DLGAP2: variants seen among roughly 807,000 people sequenced by gnomAD.
DLGAP2 encodes the protein DLG associated protein 2, also known as disks large-associated protein 2.
DLGAP2 carries 26 observed loss-of-function variants against 100.3 expected under a neutral mutation model. The ratio of observed to expected loss-of-function variants is 0.26; its 90% CI spans 0.19 to 0.36. The LOEUF is 0.36. DLGAP2 is among the 10% of genes least tolerant of loss of function. The pLI, the probability that DLGAP2 is intolerant of heterozygous loss-of-function variation, is 1.00. For synonymous variants in DLGAP2, 886 were observed against 630.1 expected, an observed-to-expected ratio of 1.41 and a Z score of -6.08; for missense variants, 1,858 against 1,453.2, an observed-to-expected ratio of 1.28 and a Z score of -4.53.
At chr8:1,200,363 C>T (rs955604878) in intron 2 of DLGAP2, among the ~76,000 whole-genome samples, 15 of 152,244 alleles carry the variant, frequency 9.9e-5, no homozygotes, top group Admixed American at 6.5e-4. Context: ...ATCTTCAGAG[C>T]TTGTTAAAAC....
chr8:1,535,599 G>T (rs553404949), intron 4 of DLGAP2, among the ~76,000 whole-genome samples: 1 of 152,196 alleles, frequency 6.6e-6, no homozygotes, highest in Non-Finnish European at 1.5e-5. Flanking sequence ...TGATGGATTT[G>T]GTTTTACCAA....
At chr8:1,383,509 C>A (rs10866923) in intron 3 of DLGAP2, among the ~76,000 whole-genome samples, 1 of 152,026 alleles carries the variant, frequency 6.6e-6, no homozygotes, top group Non-Finnish European at 1.5e-5. Flanking sequence ...CTCAAGGAGG[C>A]AAATGGTTTA....
At chr8:1,139,893 G>T (rs75265730) in intron 2 of DLGAP2, among the ~76,000 whole-genome samples, 1 of 152,048 alleles carries the variant, frequency 6.6e-6, no homozygotes, top group African/African-American at 2.4e-5. Flanking sequence ...AGGGAAATCG[G>T]GGGGAAGTGA....
chr8:977,194 G>C (rs1800187766), intron 2 of DLGAP2, among the ~76,000 whole-genome samples: 1 of 152,108 alleles, frequency 6.6e-6, no homozygotes, highest in Non-Finnish European at 1.5e-5. Flanking sequence ...TGTTTCTGTA[G>C]ACCAGCCCTA....
Position 1,548,619 on chromosome 8 carries a change from C to T in DLGAP2, c.173-7C>T, listed in dbSNP as rs777366874. The T allele has an allele frequency of 2.0e-6, 3 of 1,493,982 alleles. No individual in the cohort carries two copies. Among genetic ancestry groups the T allele is most frequent in the South Asian group, 2.6e-5 (2 of 76,422 alleles). 92.5% of individuals were successfully genotyped at this position (1,493,982 alleles called of 1,614,324 possible). On this transcript the variant is annotated splice_polypyrimidine_tract_variant and splice_region_variant and intron_variant, in intron 4 of 14. Transcript: ENST00000637795. ...GGGTGTTCAATGCCGTTTCTGTTTC[C>T]CCACAGACCCGCAGTACTCATGGTC...
intron 7 of DLGAP2, among the ~76,000 whole-genome samples, chr8:1,632,564 G>A (rs1334599156): frequency 6.6e-6 from 1 of 152,170 alleles, no homozygotes. Flanking sequence ...ATAACTGTCA[G>A]CCTTACCTTG....
intron 2 of DLGAP2, among the ~76,000 whole-genome samples, chr8:1,106,737 G>A (rs1268692279): frequency 6.6e-6 from 1 of 151,628 alleles, no homozygotes; most frequent in Non-Finnish European, 1.5e-5. Context: ...AGCCATTCTA[G>A]GAGGGTTTTC....
At chr8:1,388,981 G>A (rs1273661032) in intron 3 of DLGAP2, among the ~76,000 whole-genome samples, 49 of 137,980 alleles carry the variant, frequency 3.6e-4, no homozygotes, top group Non-Finnish European at 5.6e-4. Context: ...ATGAGGAGGC[G>A]CTGGTTCAGG....
intron 5 of DLGAP2, among the ~76,000 whole-genome samples, chr8:1,560,321 A>G (rs1802116412): frequency 6.6e-6 from 1 of 152,190 alleles, no homozygotes; most frequent in Non-Finnish European, 1.5e-5. Flanking sequence ...CTGGAATAGT[A>G]TTTTGGGTAG....
rs140833054 is a variant in DLGAP2 at position 1,242,502 on chromosome 8, C to G, written c.74-16349C>G. ...ATGTCCCATCCCTGGAATGTTGCACCAACCCCGCCCACTTCCTCTTCAATC... is the reference window on the plus strand; with the variant it reads ...ATGTCCCATCCCTGGAATGTTGCACGAACCCCGCCCACTTCCTCTTCAATC... On this transcript the variant is annotated intron_variant, in intron 2 of 14. Transcript: ENST00000637795. Among the ~76,000 whole-genome samples the G allele has an allele frequency of 9.5e-4, 144 of 152,344 alleles. 5 individuals are homozygous for G. In the South Asian group the frequency reaches 0.014, roughly 15 times the overall value.
chr8:758,566 C>T (rs978489059), intron 1 of DLGAP2, among the ~76,000 whole-genome samples: 2 of 152,104 alleles, frequency 1.3e-5, no homozygotes, highest in Non-Finnish European at 2.9e-5. Context: ...ACTTCCTTTT[C>T]TGAAATTTTA....
chr8:1,567,319 A>G (rs1802442391), intron 6 of DLGAP2, among the ~76,000 whole-genome samples: 1 of 152,204 alleles, frequency 6.6e-6, no homozygotes, highest in Non-Finnish European at 1.5e-5. Flanking sequence ...GGAAAAGCAC[A>G]CACATGCAGA....
intron 3 of DLGAP2, among the ~76,000 whole-genome samples, chr8:1,462,677 C>T (rs1302176129): frequency 6.6e-6 from 1 of 152,146 alleles, no homozygotes; most frequent in African/African-American, 2.4e-5. Context: ...AGGACTCAGG[C>T]TGCCAGCGTG....
chr8:1,559,852 G>A lies in DLGAP2; in HGVS notation c.1231-5831G>A, dbSNP rs552878096. 1.2e-4 allele frequency among the ~76,000 whole-genome samples: 18 copies of A among 152,232 alleles called. No homozygotes were observed. The South Asian group carries it at 3.7e-3, about 32-fold the overall frequency. On this transcript the variant is annotated intron_variant, in intron 5 of 14. Transcript: ENST00000637795. ...TGGCCGGGCCTCCTTCTGCCCCATC[G>A]CCTCTGCCTGCACCTTCTGCTGGTC...
chr8:749,175 A>T (rs141038743), intron 1 of DLGAP2, among the ~76,000 whole-genome samples: 39 of 152,136 alleles, frequency 2.6e-4, no homozygotes, highest in African/African-American at 8.9e-4. Flanking sequence ...ATTTTCAGTA[A>T]AGCTGGGGTT....
intron 3 of DLGAP2, among the ~76,000 whole-genome samples, chr8:1,417,081 G>C (rs1406879424): frequency 6.6e-6 from 1 of 151,366 alleles, no homozygotes; most frequent in Non-Finnish European, 1.5e-5. Flanking sequence ...GAGAAAGGGC[G>C]GGGGTGGGGG....
At chr8:1,217,886 T>C (rs184215075) in intron 2 of DLGAP2, among the ~76,000 whole-genome samples, 1 of 152,322 alleles carries the variant, frequency 6.6e-6, no homozygotes, top group Admixed American at 6.5e-5. Context: ...AATATGCTTG[T>C]TGCTTGCATG....
At chr8:1,646,842 G>C (rs79296900) in intron 8 of DLGAP2, among the ~76,000 whole-genome samples, 1 of 152,294 alleles carries the variant, frequency 6.6e-6, no homozygotes, top group African/African-American at 2.4e-5. Context: ...CTGGAAAGGA[G>C]AACCCAGGTG....
chr8:898,757 G>A (rs1317871322), intron 1 of DLGAP2, among the ~76,000 whole-genome samples: 1 of 152,160 alleles, frequency 6.6e-6, no homozygotes, highest in African/African-American at 2.4e-5. Flanking sequence ...CTGTTGCTTT[G>A]TGCTCACCGT....
Sources: allele counts gnomAD v4.1 joint callset (sites outside exome capture counted in the v4.1 genomes callset), GRCh38; gene constraint gnomAD v4.1.1; transcripts MANE v1.5; gene names NCBI Gene and HGNC (gene_info 2026-07-23, HGNC 2026-07-21).